The following SHANK2 variants were observed in gnomAD, a reference collection of about 807,000 sequenced individuals.
SHANK2 encodes SH3 and multiple ankyrin repeat domains protein 2.
In SHANK2, 43 loss-of-function variants were observed where a neutral mutation model predicts 133.7. The ratio of observed to expected loss-of-function variants is 0.32; its 90% CI spans 0.25 to 0.41. The LOEUF is 0.41. Among genes scored for constraint, SHANK2 ranks in the 10% least tolerant of loss-of-function variants. The probability of loss-of-function intolerance (pLI) is 1.00; values close to 1 mark genes in which losing one functional copy is unlikely to be tolerated. For missense variants in SHANK2, 1,994 were observed against 2,235.8 expected, an observed-to-expected ratio of 0.89 and a Z score of 2.18; for synonymous variants, 1,017 against 952.8, an observed-to-expected ratio of 1.07 and a Z score of -1.24.
intron 15 of SHANK2, among the ~76,000 whole-genome samples, chr11:70,694,323 A>C (rs1436529771): frequency 6.6e-6 from 1 of 152,196 alleles, no homozygotes; most frequent in African/African-American, 2.4e-5. Context: ...ATGTTCACTA[A>C]TGAATTGGTG....
At chr11:70,490,436 C>T in intron 22 of SHANK2, 49 bp from the exon 23 acceptor site, 2 of 1,503,604 alleles carry the variant, frequency 1.3e-6, no homozygotes, top group Non-Finnish European at 1.9e-6. Context: ...CCAGCCCCCA[C>T]CCACGGTCAC....
chr11:70,485,293 G>A lies in SHANK2; in HGVS notation c.4979+21C>T, dbSNP rs377502832. 5 of 1,601,822 alleles carry A rather than the reference G, an allele frequency of 3.1e-6. No homozygotes were observed. In the African/African-American group the frequency reaches 6.7e-5, roughly 21 times the overall value. On this transcript the variant is annotated intron_variant, in intron 25 of 25. Transcript: ENST00000601538. The surrounding 1 kb of genome is among the most constrained non-coding windows in gnomAD (Gnocchi z 5.8). ...ACAGTGCACGCAGAGCGGTGTGCAT[G>A]TGCACCAACCGCGGACTTACCTTGG... is the stretch of plus-strand genomic sequence containing the variant.
intron 17 of SHANK2, among the ~76,000 whole-genome samples, chr11:70,599,923 GAA>G (rs781878106): frequency 0.02 from 2,302 of 113,476 alleles, 97 homozygotes; most frequent in African/African-American, 0.095. Context: ...AAGAAAGAAA[GAA>G]AGAAAGAAAG....
intron 14 of SHANK2, among the ~76,000 whole-genome samples, chr11:70,778,021 C>T (rs1434034952): frequency 2.0e-5 from 3 of 152,198 alleles, no homozygotes; most frequent in Non-Finnish European, 4.4e-5. Context: ...AGCTAGCTTG[C>T]TCCTGGTGCT....
chr11:70,906,822 C>T lies in SHANK2; in HGVS notation c.1108-10255G>A, dbSNP rs377030984. ...CTCCTGGCTCACCAAGGTCAGGGGT[C>T]GCCGAGTTCCCCTGCAAACTTCAAG... On this transcript the variant is annotated intron_variant, in intron 10 of 25. Transcript: ENST00000601538. Among the ~76,000 whole-genome samples, 8 of 152,112 alleles carry T rather than the reference C, an allele frequency of 5.3e-5. 1 individual carries two copies. Among genetic ancestry groups the T allele is most frequent in the Non-Finnish European group, 8.8e-5 (6 of 68,020 alleles).
chr11:71,075,995 C>T (rs1247296044), intron 8 of SHANK2, among the ~76,000 whole-genome samples: 2 of 152,180 alleles, frequency 1.3e-5, no homozygotes, highest in East Asian at 1.9e-4. Flanking sequence ...GCAGAAACAA[C>T]CCTTAACCCT....
At position 70,479,747 on chromosome 11, in the gene SHANK2, G is replaced by A. The variant is rs573433159; in HGVS notation, c.4979+5567C>T. 8.1e-4 allele frequency among the ~76,000 whole-genome samples: 124 copies of A among 152,356 alleles called. No individual in the cohort carries two copies. Among genetic ancestry groups the A allele is most frequent in the African/African-American group, 2.8e-3 (116 of 41,590 alleles). Reference sequence around the variant, plus strand: ...TGAAGCTGACCTCTGCCATGGAAGCGATGGTAAAGAACATCAGATTTATCT... The same window carrying A: ...TGAAGCTGACCTCTGCCATGGAAGCAATGGTAAAGAACATCAGATTTATCT... On this transcript the variant is annotated intron_variant, in intron 25 of 25. Coordinates refer to ENST00000601538, the MANE Select transcript of SHANK2 (RefSeq NM_012309.5). The surrounding 1 kb of genome is among the most constrained non-coding windows in gnomAD (Gnocchi z 4.4).
At chr11:70,852,793 A>G (rs1420581696) in intron 11 of SHANK2, among the ~76,000 whole-genome samples, 5 of 152,214 alleles carry the variant, frequency 3.3e-5, no homozygotes, top group African/African-American at 1.2e-4. Context: ...TGGTGAGCCG[A>G]GATCATGCCA....
At chr11:70,554,062 C>A (rs1554978904) in intron 17 of SHANK2, among the ~76,000 whole-genome samples, 3 of 152,236 alleles carry the variant, frequency 2.0e-5, no homozygotes, top group Non-Finnish European at 4.4e-5. Flanking sequence ...GGGATGACAA[C>A]CTTGCTTTGC....
intron 14 of SHANK2, among the ~76,000 whole-genome samples, chr11:70,725,872 T>G (rs1205834045): frequency 6.6e-6 from 1 of 152,232 alleles, no homozygotes; most frequent in Non-Finnish European, 1.5e-5. Context: ...CTAAGCTGCA[T>G]CATCTCTGTT....
At chr11:70,690,221 AT>A (rs1157437372) in intron 15 of SHANK2, among the ~76,000 whole-genome samples, 3 of 152,098 alleles carry the variant, frequency 2.0e-5, no homozygotes, top group African/African-American at 7.2e-5. Context: ...AAAGAATGAT[AT>A]TTTAGTGGTA....
chr11:70,762,810 T>A (rs968871858), intron 14 of SHANK2, among the ~76,000 whole-genome samples: 1 of 152,226 alleles, frequency 6.6e-6, no homozygotes, highest in African/African-American at 2.4e-5. Flanking sequence ...AGCGGCCACC[T>A]GAAATGTGTG....
intron 11 of SHANK2, among the ~76,000 whole-genome samples, chr11:70,865,457 C>T (rs889089277): frequency 1.3e-5 from 2 of 152,178 alleles, no homozygotes; most frequent in Non-Finnish European, 2.9e-5. Context: ...GCTGAATTCA[C>T]CACGAGTAAG....
At chr11:70,715,448 C>T (rs532789536) in intron 14 of SHANK2, among the ~76,000 whole-genome samples, 8 of 152,306 alleles carry the variant, frequency 5.3e-5, no homozygotes, top group East Asian at 3.9e-4. Context: ...TTGCAGCTCT[C>T]GGGCCAAGCC....
In SHANK2 at chr11:70,576,287, G is replaced by A. The variant is rs146049467; in HGVS notation, c.2062-73356C>T. 9.9e-5 allele frequency among the ~76,000 whole-genome samples: 15 copies of A among 152,228 alleles called. No homozygotes were observed. In the East Asian group the frequency reaches 1.5e-3, roughly 16 times the overall value. ...AGCCCTCCTGCGAGGGACAGCAAGC[G>A]GCTGCGGCAGACCCCATGCACCTCC... On this transcript the variant is annotated intron_variant, in intron 17 of 25. Coordinates refer to ENST00000601538, the MANE Select transcript of SHANK2 (RefSeq NM_012309.5).
At chr11:70,868,716 C>T (rs914629165) in intron 11 of SHANK2, among the ~76,000 whole-genome samples, 4 of 152,234 alleles carry the variant, frequency 2.6e-5, no homozygotes, top group Admixed American at 2.6e-4. Flanking sequence ...GGAGCTGCCA[C>T]GGCCAGTCCT....
chr11:71,242,969 G>A (rs1954914553), intron 1 of SHANK2, among the ~76,000 whole-genome samples: 1 of 152,214 alleles, frequency 6.6e-6, no homozygotes, highest in Admixed American at 6.5e-5. Context: ...AATAGCCAAT[G>A]GGTCAGAGAA....
At chr11:70,664,201 C>T (rs553482594) in intron 15 of SHANK2, among the ~76,000 whole-genome samples, 4 of 152,276 alleles carry the variant, frequency 2.6e-5, no homozygotes, top group East Asian at 3.9e-4. Context: ...CCCCCCACAA[C>T]GAGAACACAG....
chr11:70,906,766 T>C (rs1950110431), intron 10 of SHANK2, among the ~76,000 whole-genome samples: 1 of 152,134 alleles, frequency 6.6e-6, no homozygotes, highest in South Asian at 2.1e-4. Context: ...ATTACAGGCA[T>C]CCTCCAAGCA....
Sources: allele counts gnomAD v4.1 joint callset (sites outside exome capture counted in the v4.1 genomes callset), GRCh38; gene constraint gnomAD v4.1.1; non-coding constraint Gnocchi (gnomAD v3.1); transcripts MANE v1.5; gene names NCBI Gene and HGNC (gene_info 2026-07-23, HGNC 2026-07-21).